The following POSTN variants were observed in gnomAD, a reference collection of about 807,000 sequenced individuals.
POSTN encodes the protein periostin.
In POSTN, 71 loss-of-function variants were observed where a neutral mutation model predicts 104.5. The ratio of observed to expected loss-of-function variants is 0.68; its 90% confidence interval spans 0.56 to 0.83. The LOEUF (loss-of-function observed/expected upper bound fraction) is 0.83. Among genes scored for constraint, POSTN ranks in the 40% least tolerant of loss-of-function variants. The probability of loss-of-function intolerance (pLI) is 0.00; values close to 1 mark genes in which losing one functional copy is unlikely to be tolerated. For missense variants in POSTN, 949 were observed against 1,006.8 expected (o/e 0.94, Z 0.78); for synonymous variants, 355 against 340.7 (o/e 1.04, Z -0.46).
Position 37,564,423 on chromosome 13 carries a change from T to G in POSTN, c.2473+96A>C. 4.2e-6 allele frequency: 3 copies of G among 709,788 alleles called. No homozygotes were observed. In the South Asian group the frequency reaches 6.4e-5, roughly 15 times the overall value. 44.0% of individuals were successfully genotyped at this position (709,788 alleles called of 1,614,324 possible). A position where few individuals can be genotyped will look rare whatever the true frequency, so the allele number is the denominator to read the frequency against. On this transcript the variant is annotated intron_variant, in intron 22 of 22. Coordinates refer to ENST00000379747, the MANE Select transcript of POSTN (RefSeq NM_006475.3). ...CTTTTCTCTCTGATCGATAACAAGTTTCAATAAAATACTTTAAAATCTTTC... is the reference window on the plus strand; with the variant it reads ...CTTTTCTCTCTGATCGATAACAAGTGTCAATAAAATACTTTAAAATCTTTC...
chr13:37,575,390 A>G (rs1029585667), intron 16 of POSTN, among the ~76,000 whole-genome samples: 19 of 151,958 alleles, frequency 1.3e-4, no homozygotes, highest in African/African-American at 4.3e-4. Flanking sequence ...TGGGTTCACT[A>G]GAAGCCTAAA....
At chr13:37,575,059 A>C (rs1017758726) in intron 16 of POSTN, among the ~76,000 whole-genome samples, 1 of 152,048 alleles carries the variant, frequency 6.6e-6, no homozygotes, top group African/African-American at 2.4e-5. Flanking sequence ...ATTCTTTCTC[A>C]ATTAAAAGAA....
intron 4 of POSTN, 139 bp from the exon 5 acceptor site, chr13:37,588,125 A>T: frequency 1.4e-6 from 1 of 694,940 alleles, no homozygotes; most frequent in Non-Finnish European, 2.4e-6. Context: ...AAATAACTTA[A>T]AATTATATTA....
intron 7 of POSTN, 136 bp downstream of exon 7, chr13:37,586,003 A>AC (rs1269413771): frequency 1.5e-6 from 1 of 687,458 alleles, no homozygotes; most frequent in African/African-American, 1.8e-5. Flanking sequence ...CTTTTGGAAG[A>AC]CATAGTACAT....
In POSTN at chr13:37,584,086, G is replaced by T; in HGVS notation, c.1126C>A (p.Leu376Met). The T allele has an allele frequency of 6.2e-7, 1 of 1,613,810 alleles. No homozygotes were observed. The highest frequency in any genetic ancestry group is 8.5e-7 in the Non-Finnish European group (1 of 1,179,894). ...IPDSAKQVIELAGKQQTTFTD... is the reference protein window; with the variant it reads ...IPDSAKQVIEMAGKQQTTFTD... ...AAGGTGGTTTGCTGTTTTCCAGCCA[G>T]CTCAATAACTTGTTTGGCTGAAAAA... Residue 376 changes from leucine (L) to methionine (M), a missense_variant, in exon 9 of 23, where the codon CTG becomes ATG. Coordinates refer to ENST00000379747, the MANE Select transcript of POSTN (RefSeq NM_006475.3).
At chr13:37,586,071 A>G in intron 7 of POSTN, 68 bp downstream of exon 7, 1 of 1,446,850 alleles carries the variant, frequency 6.9e-7, no homozygotes, top group Non-Finnish European at 9.3e-7. Flanking sequence ...ATTGGTAAGG[A>G]CTAGCCTCTT....
chr13:37,572,750 A>G lies in POSTN; in HGVS notation c.2090-1292T>C, dbSNP rs1950295547. On this transcript the variant is annotated intron_variant, in intron 17 of 22. Coordinates refer to ENST00000379747, the MANE Select transcript of POSTN (RefSeq NM_006475.3). ...AAAATGCTGTTATGTATCTTTTATAAGAGACACCTTAAAATTGTGTCCTGG... is the reference window on the plus strand; with the variant it reads ...AAAATGCTGTTATGTATCTTTTATAGGAGACACCTTAAAATTGTGTCCTGG... Among the ~76,000 whole-genome samples, 3 of 151,638 alleles carry G rather than the reference A, an allele frequency of 2.0e-5. No individual in the cohort carries two copies. In the South Asian group the frequency reaches 6.2e-4, roughly 31 times the overall value.
intron 3 of POSTN, among the ~76,000 whole-genome samples, chr13:37,591,207 CA>C (rs1950921274): frequency 6.6e-6 from 1 of 151,964 alleles, no homozygotes; most frequent in Admixed American, 6.6e-5. Context: ...TCAAAATGAA[CA>C]AGGTTAAATT....
intron 17 of POSTN, 84 bp from the exon 18 acceptor site, chr13:37,571,542 G>A (rs756826143): frequency 1.1e-5 from 11 of 1,005,094 alleles, no homozygotes; most frequent in African/African-American, 8.3e-5. Context: ...TTCAACATTC[G>A]GTGTGACTCA....
At chr13:37,586,675 A>T in intron 6 of POSTN, 107 bp downstream of exon 6, 1 of 1,069,268 alleles carries the variant, frequency 9.4e-7, no homozygotes, top group Non-Finnish European at 1.4e-6. Flanking sequence ...TTCAAAAAAT[A>T]TGTGTTACAT....
At chr13:37,569,257 ACTAGAAC>A in intron 21 of POSTN, 36 bp downstream of exon 21, 1 of 1,429,256 alleles carries the variant, frequency 7.0e-7, no homozygotes, top group Non-Finnish European at 9.7e-7. Flanking sequence ...GAACTCAGTC[ACTAGAAC>A]CTGTTAAGGG....
At chr13:37,592,846 A>G (rs1950980219) in intron 2 of POSTN, among the ~76,000 whole-genome samples, 1 of 152,178 alleles carries the variant, frequency 6.6e-6, no homozygotes, top group Non-Finnish European at 1.5e-5. Context: ...AATGCTTTTG[A>G]AATCATTTTG....
chr13:37,571,799 TG>T (rs1950269375), intron 17 of POSTN, among the ~76,000 whole-genome samples: 1 of 151,730 alleles, frequency 6.6e-6, no homozygotes, highest in South Asian at 2.1e-4. Context: ...TGTACACATT[TG>T]TGTTTCTCTG....
At chr13:37,592,236 A>C in intron 2 of POSTN, 72 bp from the exon 3 acceptor site, 2 of 948,630 alleles carry the variant, frequency 2.1e-6, no homozygotes, top group Non-Finnish European at 3.2e-6. Flanking sequence ...AATTTGACAA[A>C]ATATTTCACT....
At chr13:37,595,515 T>G (rs1951059138) in intron 2 of POSTN, among the ~76,000 whole-genome samples, 1 of 152,194 alleles carries the variant, frequency 6.6e-6, no homozygotes, top group South Asian at 2.1e-4. Context: ...GGTTACCATG[T>G]GGAGATGCAA....
At chr13:37,583,291 A>C (rs1950651908) in intron 9 of POSTN, among the ~76,000 whole-genome samples, 2 of 152,076 alleles carry the variant, frequency 1.3e-5, no homozygotes, top group African/African-American at 2.4e-5. Flanking sequence ...AAATTTTGAG[A>C]TGCAAAACAC....
At chr13:37,569,070 G>C (rs563968048) in intron 21 of POSTN, 5 of 314,012 alleles carry the variant, frequency 1.6e-5, no homozygotes, top group Middle Eastern at 8.9e-4. Context: ...AATATTCATT[G>C]CTCCCCAAAC....
At chr13:37,581,620 G>A (rs2138281470) in intron 10 of POSTN, among the ~76,000 whole-genome samples, 1 of 152,156 alleles carries the variant, frequency 6.6e-6, no homozygotes, top group Non-Finnish European at 1.5e-5. Context: ...CTACTCAGAA[G>A]ACCGAGGTGG....
intron 8 of POSTN, 65 bp downstream of exon 8, chr13:37,584,651 G>T: frequency 1.5e-6 from 2 of 1,305,462 alleles, no homozygotes; most frequent in South Asian, 1.3e-5. Flanking sequence ...TACTCTTTGA[G>T]ACAGCATAAT....
Sources: allele counts gnomAD v4.1 joint callset (sites outside exome capture counted in the v4.1 genomes callset), GRCh38; gene constraint gnomAD v4.1.1; transcripts MANE v1.5; gene names NCBI Gene and HGNC (gene_info 2026-07-23, HGNC 2026-07-21).